PPFIA2: variants seen among roughly 807,000 people sequenced by gnomAD.
The protein encoded by PPFIA2 is PPFI scaffold protein A2, also known as liprin-alpha-2.
A neutral mutation model predicts 175.5 loss-of-function variants in PPFIA2; 46 were observed. The observed-to-expected ratio is 0.26, with a 90% confidence interval of 0.21 to 0.34. PPFIA2 has a LOEUF of 0.34. Ranked by LOEUF, PPFIA2 falls within the 10% of genes least tolerant of loss-of-function variation. The probability of loss-of-function intolerance (pLI) is 1.00; values close to 1 mark genes in which losing one functional copy is unlikely to be tolerated. For missense variants in PPFIA2, 1,179 were observed against 1,506.1 expected, an observed-to-expected ratio of 0.78 and a Z score of 3.60; for synonymous variants, 568 against 511.4, an observed-to-expected ratio of 1.11 and a Z score of -1.49.
chr12:81,265,813 A>G (rs2037083167), intron 30 of PPFIA2, among the ~76,000 whole-genome samples: 1 of 152,224 alleles, frequency 6.6e-6, no homozygotes, highest in Admixed American at 6.5e-5. Flanking sequence ...CAACTCTTCA[A>G]TAATTTTTTA....
chr12:81,567,364 G>A (rs79946680), intron 4 of PPFIA2, among the ~76,000 whole-genome samples: 18,349 of 152,102 alleles, frequency 0.12, 1,218 homozygotes, highest in Middle Eastern at 0.13. Context: ...AGACTTTCTA[G>A]ACCCTTATAA....
In PPFIA2 at chr12:81,630,902, T is replaced by A. The variant is rs867300671; in HGVS notation, c.303+45889A>T. The stretch of plus-strand genomic sequence containing the variant: ...AAGGCTATATATATATATATATATT[T>A]TTTTTTTTTTTCCAGACAGAGTCTA... On this transcript the variant is annotated intron_variant, in intron 4 of 32. Coordinates refer to ENST00000549396, the MANE Select transcript of PPFIA2 (RefSeq NM_003625.5). Among the ~76,000 whole-genome samples, 648 of 81,140 alleles carry A rather than the reference T, an allele frequency of 8.0e-3. 1 individual carries two copies. Among genetic ancestry groups the A allele is most frequent in the South Asian group, 0.037 (96 of 2,594 alleles). The allele number at this position is 81,140 out of a possible 152,430, so 53.2% of individuals were successfully genotyped here. A position where few individuals can be genotyped will look rare whatever the true frequency, so the allele number is the denominator to read the frequency against.
intron 4 of PPFIA2, among the ~76,000 whole-genome samples, chr12:81,465,659 T>C (rs546096102): frequency 9.9e-4 from 150 of 152,270 alleles, no homozygotes; most frequent in African/African-American, 1.4e-3. Context: ...TAATTTCACA[T>C]AAATTTACAT....
At chr12:81,541,171 A>C (rs2066155620) in intron 4 of PPFIA2, among the ~76,000 whole-genome samples, 1 of 152,136 alleles carries the variant, frequency 6.6e-6, no homozygotes, top group Admixed American at 6.6e-5. Context: ...TTCTATTATA[A>C]GAATAAAACT....
chr12:81,441,425 T>C (rs1314380694), intron 6 of PPFIA2, among the ~76,000 whole-genome samples: 1 of 152,034 alleles, frequency 6.6e-6, no homozygotes, highest in Non-Finnish European at 1.5e-5. Context: ...AAAACAATAA[T>C]ACACACATAA....
At chr12:81,562,751 G>T (rs965584466) in intron 4 of PPFIA2, among the ~76,000 whole-genome samples, 17 of 146,488 alleles carry the variant, frequency 1.2e-4, no homozygotes, top group Non-Finnish European at 2.1e-4. Context: ...GGAGGCTGAG[G>T]CAGGAGAATG....
intron 22 of PPFIA2, among the ~76,000 whole-genome samples, chr12:81,311,502 G>A (rs1169453419): frequency 6.6e-6 from 1 of 152,108 alleles, no homozygotes. Flanking sequence ...GGGAGGCCGA[G>A]GCGGGTGGAT....
chr12:81,522,701 T>G (rs1414420845), intron 4 of PPFIA2, among the ~76,000 whole-genome samples: 1 of 152,216 alleles, frequency 6.6e-6, no homozygotes, highest in Non-Finnish European at 1.5e-5. Flanking sequence ...TCCAAATTTT[T>G]CCTCAGAAGC....
intron 4 of PPFIA2, among the ~76,000 whole-genome samples, chr12:81,659,435 G>A (rs375919212): frequency 6.6e-6 from 1 of 152,156 alleles, no homozygotes; most frequent in South Asian, 2.1e-4. Context: ...AGGGTTCTAC[G>A]CCCATGGAGC....
At chr12:81,561,443 A>G (rs2070052360) in intron 4 of PPFIA2, among the ~76,000 whole-genome samples, 1 of 152,160 alleles carries the variant, frequency 6.6e-6, no homozygotes, top group South Asian at 2.1e-4. Flanking sequence ...AGCAAATAGA[A>G]ATACAGTAAT....
chr12:81,393,099 T>A (rs1328482045), intron 8 of PPFIA2, among the ~76,000 whole-genome samples: 2 of 152,054 alleles, frequency 1.3e-5, no homozygotes, highest in Non-Finnish European at 2.9e-5. Flanking sequence ...TTCATGGTGA[T>A]CCTGTTACAT....
chr12:81,325,127 T>C (rs990357070), intron 22 of PPFIA2, among the ~76,000 whole-genome samples: 9 of 151,880 alleles, frequency 5.9e-5, no homozygotes, highest in African/African-American at 2.2e-4. Context: ...TAAAGAGAAA[T>C]TGATTTACAT....
chr12:81,569,830 T>A (rs903407674), intron 4 of PPFIA2, among the ~76,000 whole-genome samples: 5 of 150,344 alleles, frequency 3.3e-5, no homozygotes, highest in South Asian at 2.1e-4. Context: ...CTATTATTGT[T>A]CCTTTTACTG....
intron 11 of PPFIA2, among the ~76,000 whole-genome samples, chr12:81,369,768 C>T (rs1173737134): frequency 1.3e-5 from 2 of 151,658 alleles, no homozygotes; most frequent in East Asian, 3.9e-4. Flanking sequence ...AAGACACTGA[C>T]ACCAAACAGA....
At chr12:81,740,236 G>A (rs917432113) in intron 3 of PPFIA2, among the ~76,000 whole-genome samples, 7 of 152,176 alleles carry the variant, frequency 4.6e-5, no homozygotes, top group African/African-American at 1.7e-4. Flanking sequence ...TAAATTATCA[G>A]TGTCACAAAT....
At chr12:81,452,342 T>A (rs950279196) in intron 5 of PPFIA2, among the ~76,000 whole-genome samples, 2 of 152,212 alleles carry the variant, frequency 1.3e-5, no homozygotes, top group African/African-American at 4.8e-5. Context: ...TTCTTCCCTG[T>A]AGACTAATGT....
chr12:81,325,409 T>C (rs1021810500), intron 22 of PPFIA2, among the ~76,000 whole-genome samples: 3 of 151,998 alleles, frequency 2.0e-5, no homozygotes, highest in African/African-American at 7.2e-5. Flanking sequence ...TTTCAAAGAG[T>C]AGATACTTAT....
At chr12:81,537,543 A>T (rs1167910326) in intron 4 of PPFIA2, among the ~76,000 whole-genome samples, 1 of 151,790 alleles carries the variant, frequency 6.6e-6, no homozygotes, top group African/African-American at 2.4e-5. Flanking sequence ...TGCCCTTCAC[A>T]CCAATGTTTT....
chr12:81,284,061 T>C (rs545354458), intron 25 of PPFIA2, among the ~76,000 whole-genome samples, 180 bp downstream of exon 25: 1 of 152,242 alleles, frequency 6.6e-6, no homozygotes, highest in African/African-American at 2.4e-5. Context: ...CTAACACTAT[T>C]TCATTAAAAA....
Sources: gnomAD v4.1 joint callset for allele counts (sites outside exome capture counted in the v4.1 genomes callset) on GRCh38, gnomAD v4.1.1 for gene constraint, MANE v1.5 for transcripts, NCBI Gene and HGNC (gene_info 2026-07-23, HGNC 2026-07-21) for gene names.